AGBL3: variants seen among roughly 807,000 people sequenced by gnomAD.
AGBL3 encodes cytosolic carboxypeptidase 3.
In AGBL3, 68 loss-of-function variants were observed where a neutral mutation model predicts 94.5. The observed-to-expected ratio is 0.72, with a 90% CI of 0.59 to 0.88. The LOEUF (loss-of-function observed/expected upper bound fraction) is 0.88. Among genes scored for constraint, AGBL3 ranks in the 40% least tolerant of loss-of-function variants. AGBL3 has a pLI of 0.00. For missense variants in AGBL3, 934 were observed against 1,103.8 expected (o/e 0.85, Z 2.18); for synonymous variants, 354 against 370.7 (o/e 0.95, Z 0.52).
chr7:135,076,211 T>C (rs1820432387), intron 12 of AGBL3, among the ~76,000 whole-genome samples, 186 bp from the exon 13 acceptor site: 1 of 152,212 alleles, frequency 6.6e-6, no homozygotes, highest in Admixed American at 6.5e-5. Context: ...CTAGCTAGTC[T>C]GTCTTCTCCT....
intron 15 of AGBL3, among the ~76,000 whole-genome samples, chr7:135,104,283 A>G (rs1230134508): frequency 6.6e-6 from 1 of 152,190 alleles, no homozygotes; most frequent in Non-Finnish European, 1.5e-5. Context: ...TCCATGGTGT[A>G]TGTGTACCAC....
chr7:135,134,564 G>C (rs1232194026), intron 16 of AGBL3, among the ~76,000 whole-genome samples: 1 of 151,946 alleles, frequency 6.6e-6, no homozygotes, highest in Non-Finnish European at 1.5e-5. Flanking sequence ...GTAAGGAGCT[G>C]GGGCCCAGAG....
rs1310542363 is a variant in AGBL3 at position 135,034,193 on chromosome 7, CAAAT to C, written c.606_609del (p.Lys203ThrfsTer16). On this transcript the variant is annotated frameshift_variant, in exon 7 of 17. Transcript: ENST00000436302. LOFTEE classifies it high-confidence loss of function. ...TTGACTGTACGCCCTGACCTCTTCA[CAAAT>C]AAACACACCCAGTGGTACTATTTCC... is the stretch of plus-strand genomic sequence containing the variant. 1 of 1,551,500 alleles carries C rather than the reference CAAAT, an allele frequency of 6.4e-7. No homozygotes were observed. Among genetic ancestry groups the C allele is most frequent in the Non-Finnish European group, 8.7e-7 (1 of 1,146,878 alleles).
At chr7:135,059,052 C>A in intron 11 of AGBL3, 117 bp from the exon 12 acceptor site, 2 of 807,272 alleles carry the variant, frequency 2.5e-6, no homozygotes, top group Non-Finnish European at 3.9e-6. Flanking sequence ...TCACTGCGCC[C>A]GGCCACTTCT....
intron 12 of AGBL3, among the ~76,000 whole-genome samples, chr7:135,065,625 CT>C (rs2116731787): frequency 6.6e-6 from 1 of 152,292 alleles, no homozygotes; most frequent in African/African-American, 2.4e-5. Context: ...AGTGTGGTGG[CT>C]CACACCTGTA....
chr7:135,076,414 AAAG>A lies in AGBL3; in HGVS notation c.1930_1932del (p.Lys644del). The A allele has an allele frequency of 6.5e-7, 1 of 1,547,868 alleles. No homozygotes were observed. Among genetic ancestry groups the A allele is most frequent in the South Asian group, 1.2e-5 (1 of 83,902 alleles). On this transcript the variant is annotated inframe_deletion, in exon 13 of 17. Transcript: ENST00000436302. ...TTTACTAGAAAAAACATTTGAAAAC[AAAG>A]AAGGAAAGGAATTCTACCATAGCAA...
intron 11 of AGBL3, among the ~76,000 whole-genome samples, chr7:135,048,018 C>T (rs1272981050): frequency 6.6e-6 from 1 of 151,792 alleles, no homozygotes; most frequent in Non-Finnish European, 1.5e-5. Context: ...AAGTGTTTAG[C>T]CCATTTTGAG....
Position 135,009,058 on chromosome 7 carries a change from G to A in AGBL3, c.311-7994G>A, listed in dbSNP as rs538614814. Among the ~76,000 whole-genome samples, 334 of 152,260 alleles carry A rather than the reference G, an allele frequency of 2.2e-3. 1 individual carries two copies. Among genetic ancestry groups the A allele is most frequent in the Middle Eastern group, 0.014 (4 of 294 alleles). ...AATGTAAAATTGTGCAGCTACTTTGGAAACCTGGTGTTTCTTCAGAAAGTT... is the reference window on the plus strand; with the variant it reads ...AATGTAAAATTGTGCAGCTACTTTGAAAACCTGGTGTTTCTTCAGAAAGTT... On this transcript the variant is annotated intron_variant, in intron 4 of 16. Coordinates refer to ENST00000436302, the MANE Select transcript of AGBL3 (RefSeq NM_178563.4).
chr7:135,115,706 T>C lies in AGBL3; in HGVS notation c.2342+95T>C, dbSNP rs1826224464. 9 of 1,070,148 alleles carry C rather than the reference T, an allele frequency of 8.4e-6. No homozygotes were observed. In the South Asian group the frequency reaches 1.6e-4, roughly 19 times the overall value. 66.3% of individuals were successfully genotyped at this position (1,070,148 alleles called of 1,614,324 possible). On this transcript the variant is annotated intron_variant, in intron 16 of 16. Coordinates refer to ENST00000436302, the MANE Select transcript of AGBL3 (RefSeq NM_178563.4). ...TTTATTATCCTACGAAAAAAAAATCTGCTCTTGAAAATGATGTCAGCTCCA... is the reference window on the plus strand; with the variant it reads ...TTTATTATCCTACGAAAAAAAAATCCGCTCTTGAAAATGATGTCAGCTCCA...
intron 15 of AGBL3, among the ~76,000 whole-genome samples, chr7:135,103,363 T>C (rs1404978155): frequency 6.6e-6 from 1 of 152,162 alleles, no homozygotes; most frequent in Non-Finnish European, 1.5e-5. Context: ...ATGTTTTAAG[T>C]GAAGTCCAAA....
chr7:135,035,425 G>C (rs1403991540), intron 7 of AGBL3, among the ~76,000 whole-genome samples: 4 of 152,020 alleles, frequency 2.6e-5, no homozygotes, highest in African/African-American at 9.7e-5. Flanking sequence ...TCTTAATCCG[G>C]TTAATCATAC....
chr7:135,098,709 G>T (rs918009729), intron 15 of AGBL3, among the ~76,000 whole-genome samples: 3 of 152,156 alleles, frequency 2.0e-5, no homozygotes, highest in African/African-American at 7.2e-5. Context: ...ATCAAAGAAA[G>T]ATATCTCAAA....
intron 15 of AGBL3, among the ~76,000 whole-genome samples, chr7:135,099,534 C>T (rs1478908429): frequency 6.6e-6 from 1 of 152,094 alleles, no homozygotes; most frequent in Non-Finnish European, 1.5e-5. Flanking sequence ...AGTGAAAATA[C>T]CTGAACGAGC....
intron 12 of AGBL3, among the ~76,000 whole-genome samples, chr7:135,065,602 G>C (rs1394992087): frequency 6.6e-6 from 1 of 152,156 alleles, no homozygotes; most frequent in African/African-American, 2.4e-5. Flanking sequence ...TGAAAAAATA[G>C]TGTTGGTGGC....
chr7:135,012,855 C>G (rs546509790), intron 4 of AGBL3, among the ~76,000 whole-genome samples: 1 of 151,998 alleles, frequency 6.6e-6, no homozygotes, highest in East Asian at 1.9e-4. Context: ...TAGAAGAAAA[C>G]ATGGAACGAT....
intron 4 of AGBL3, among the ~76,000 whole-genome samples, chr7:134,994,092 G>A (rs1355019429): frequency 6.6e-6 from 1 of 152,140 alleles, no homozygotes; most frequent in African/African-American, 2.4e-5. Context: ...AGGGCATGAC[G>A]GTGTCCCAGG....
intron 12 of AGBL3, among the ~76,000 whole-genome samples, chr7:135,074,483 CA>C (rs1404544675): frequency 1.3e-5 from 2 of 152,100 alleles, no homozygotes; most frequent in African/African-American, 4.8e-5. Flanking sequence ...GGACAAAGTC[CA>C]AATTCAAAAA....
At chr7:135,102,681 C>T (rs1288357265) in intron 15 of AGBL3, among the ~76,000 whole-genome samples, 6 of 151,332 alleles carry the variant, frequency 4.0e-5, no homozygotes, top group Admixed American at 3.3e-4. Context: ...CTCCCATCTC[C>T]AGATCATAAA....
At chr7:135,076,240 C>T (rs918598656) in intron 12 of AGBL3, among the ~76,000 whole-genome samples, 157 bp from the exon 13 acceptor site, 1 of 152,258 alleles carries the variant, frequency 6.6e-6, no homozygotes, top group East Asian at 1.9e-4. Context: ...TTTAGAGCTT[C>T]TTATATGATA....
Sources: allele counts gnomAD v4.1 joint callset (sites outside exome capture counted in the v4.1 genomes callset), GRCh38; gene constraint gnomAD v4.1.1; transcripts MANE v1.5; gene names NCBI Gene and HGNC (gene_info 2026-07-23, HGNC 2026-07-21).